The following CDH26 variants were observed in gnomAD, a reference collection of about 807,000 sequenced individuals.
The protein encoded by CDH26 is cadherin 26, also known as cadherin-like protein 26.
In CDH26, 83 loss-of-function variants were observed where a neutral mutation model predicts 90.3. The ratio of observed to expected loss-of-function variants is 0.92; its 90% CI spans 0.77 to 1.10. The LOEUF is 1.10. Ranked by LOEUF, CDH26 falls within the 50% of genes least tolerant of loss-of-function variation. The pLI, the probability that CDH26 is intolerant of heterozygous loss-of-function variation, is 0.00. For missense variants in CDH26, 1,013 were observed against 1,037.6 expected, an observed-to-expected ratio of 0.98 and a Z score of 0.33; for synonymous variants, 397 against 396.3, an observed-to-expected ratio of 1.00 and a Z score of -0.02.
intron 13 of CDH26, 24 bp downstream of exon 13, chr20:59,996,785 T>A (rs1442220404): frequency 2.5e-6 from 4 of 1,614,102 alleles, no homozygotes; most frequent in Non-Finnish European, 3.4e-6. Flanking sequence ...ATGCTTTGTG[T>A]CTTATGGCAA....
chr20:59,984,342 TG>T (rs1170325583), intron 5 of CDH26, among the ~76,000 whole-genome samples: 1 of 152,266 alleles, frequency 6.6e-6, no homozygotes, highest in Non-Finnish European at 1.5e-5. Context: ...TATATTTTCC[TG>T]CTTTATCATT....
intron 2 of CDH26, among the ~76,000 whole-genome samples, chr20:59,969,470 G>A (rs1414381232): frequency 6.6e-6 from 1 of 152,042 alleles, no homozygotes; most frequent in Non-Finnish European, 1.5e-5. Context: ...TTACATTTTT[G>A]TTGATAAAAT....
chr20:60,021,879 C>CCCAT (rs2061958176), intron 7 of CDH26, among the ~76,000 whole-genome samples: 1 of 98,642 alleles, frequency 1.0e-5, no homozygotes, highest in Admixed American at 1.1e-4. Context: ...CACACACACA[C>CCCAT]ACACACACAC....
At chr20:60,008,943 C>A (rs1030143313) in intron 17 of CDH26, among the ~76,000 whole-genome samples, 6 of 152,200 alleles carry the variant, frequency 3.9e-5, no homozygotes, top group African/African-American at 7.2e-5. Context: ...CCCACAGACT[C>A]AGGGCTGCAG....
In CDH26 at chr20:60,013,708, T is replaced by C. The variant is rs911902268; in HGVS notation, c.*978T>C. 6.6e-6 allele frequency: 1 copy of C among 152,200 alleles called. No individual in the cohort carries two copies. Among genetic ancestry groups the C allele is most frequent in the African/African-American group, 2.4e-5 (1 of 41,442 alleles). 9.4% of individuals were successfully genotyped at this position (152,200 alleles called of 1,614,324 possible). A position where few individuals can be genotyped will look rare whatever the true frequency, so the allele number is the denominator to read the frequency against. On this transcript the variant is annotated 3_prime_UTR_variant, in exon 18 of 18. Transcript: ENST00000348616. ...TCTCTCATGCCCTAAAATAAATCAGTAGAAACATGTTTGCTGGTGAATCAG... is the reference window on the plus strand; with the variant it reads ...TCTCTCATGCCCTAAAATAAATCAGCAGAAACATGTTTGCTGGTGAATCAG...
At position 59,958,660 on chromosome 20, in the gene CDH26, G is replaced by A. The variant is rs2061027937; in HGVS notation, c.-67G>A. ...GCTGAGAAGGAGGTGTGTGGCTCCG[G>A]TGAGACCACCAGCTTGGAGGACTGG... On this transcript the variant is annotated 5_prime_UTR_variant, in exon 1 of 18. The change creates a new upstream start codon in the 5' untranslated region. Transcript: ENST00000348616. The A allele has an allele frequency of 3.3e-6, 5 of 1,517,316 alleles. No individual in the cohort carries two copies. Among genetic ancestry groups the A allele is most frequent in the African/African-American group, 1.4e-5 (1 of 73,134 alleles). The allele number at this position is 1,517,316 out of a possible 1,614,324, so 94.0% of individuals were successfully genotyped here. A position where few individuals can be genotyped will look rare whatever the true frequency, so the allele number is the denominator to read the frequency against.
At chr20:60,031,163 G>A in intron 7 of CDH26, 1 of 1,043,968 alleles carries the variant, frequency 9.6e-7, no homozygotes, top group Non-Finnish European at 1.2e-6. Context: ...TGTAGCAGTG[G>A]GGATGAACTG....
chr20:59,987,480 GC>G lies in CDH26; in HGVS notation c.867del (p.Ser290AlafsTer48), dbSNP rs2061473518. On this transcript the variant is annotated frameshift_variant, in exon 8 of 18. Coordinates refer to ENST00000348616, the MANE Select transcript of CDH26 (RefSeq NM_177980.4). LOFTEE classifies it high-confidence loss of function. The part of the protein sequence containing the change: ...NYKVQIPEGR[A>X]SQGVLRLLVQ... ...TAAGGTTCAGATTCCTGAAGGCCGA[GC>G]CAGCCAGGGCGTGTTGCGTCTCCTG... 6.2e-7 allele frequency: 1 copy of G among 1,612,582 alleles called. No individual in the cohort carries two copies. Among genetic ancestry groups the G allele is most frequent in the African/African-American group, 1.3e-5 (1 of 74,834 alleles).
At chr20:59,969,889 T>C (rs1377652622) in intron 2 of CDH26, among the ~76,000 whole-genome samples, 193 bp from the exon 3 acceptor site, 1 of 152,100 alleles carries the variant, frequency 6.6e-6, no homozygotes, top group Non-Finnish European at 1.5e-5. Context: ...ATCCACCCCG[T>C]GGTTAGAGAT....
At chr20:59,974,596 T>C (rs1032241549) in intron 4 of CDH26, among the ~76,000 whole-genome samples, 2 of 152,204 alleles carry the variant, frequency 1.3e-5, no homozygotes, top group Admixed American at 6.5e-5. Flanking sequence ...AATTCTGTTA[T>C]GTCAGGTTTT....
At chr20:60,001,508 C>A in intron 15 of CDH26, 97 bp downstream of exon 15, 2 of 1,511,102 alleles carry the variant, frequency 1.3e-6, no homozygotes, top group South Asian at 1.3e-5. Context: ...TTCGGTGATA[C>A]TGTCAGAAAA....
chr20:60,033,515 A>T, exon 9 of CDH26: 1 of 1,304,296 alleles, frequency 7.7e-7, no homozygotes, highest in South Asian at 1.2e-5. Context: ...GAGAAAGCAA[A>T]GGAGCCACTT....
At chr20:59,995,384 A>G (rs1246875893) in intron 11 of CDH26, among the ~76,000 whole-genome samples, 1 of 152,186 alleles carries the variant, frequency 6.6e-6, no homozygotes, top group Non-Finnish European at 1.5e-5. Context: ...CCCCAGGAGG[A>G]CACTGGAGCC....
At chr20:60,033,043 A>G (rs1425998217) in intron 8 of CDH26, among the ~76,000 whole-genome samples, 2 of 152,170 alleles carry the variant, frequency 1.3e-5, no homozygotes, top group Non-Finnish European at 2.9e-5. Flanking sequence ...TGTCTCATAG[A>G]GGATCAAAAA....
intron 17 of CDH26, among the ~76,000 whole-genome samples, chr20:60,009,102 C>T (rs75606074): frequency 1.5e-3 from 231 of 152,292 alleles, no homozygotes; most frequent in African/African-American, 5.3e-3. Context: ...ACTGAAGAAG[C>T]AATGAAAGAA....
chr20:60,031,478 T>C, intron 8 of CDH26: 1 of 1,051,332 alleles, frequency 9.5e-7, no homozygotes, highest in Non-Finnish European at 1.2e-6. Context: ...TTAAAAAAGA[T>C]TCAGTTATGA....
chr20:59,970,810 A>T (rs996131982), intron 3 of CDH26, among the ~76,000 whole-genome samples: 11 of 79,034 alleles, frequency 1.4e-4, no homozygotes, highest in African/African-American at 7.2e-4. Flanking sequence ...TCTGTCTCAA[A>T]AATAAATAAA....
chr20:60,009,035 G>A (rs903527795), intron 17 of CDH26, among the ~76,000 whole-genome samples: 1 of 152,150 alleles, frequency 6.6e-6, no homozygotes, highest in Non-Finnish European at 1.5e-5. Context: ...CTCCCGAGCC[G>A]ACTGTAACCT....
Position 59,958,535 on chromosome 20 carries a change from C to T in CDH26, c.-192C>T, listed in dbSNP as rs1464045770. Reference sequence around the variant, plus strand: ...TTCAAGCTTACAAGTCAGCCCACCCCACTCTGATAAATGCAAGAAAAGCTG... The same window carrying T: ...TTCAAGCTTACAAGTCAGCCCACCCTACTCTGATAAATGCAAGAAAAGCTG... On this transcript the variant is annotated 5_prime_UTR_variant, in exon 1 of 18. Transcript: ENST00000348616. The T allele has an allele frequency of 1.6e-6, 1 of 643,660 alleles. No individual in the cohort carries two copies. Among genetic ancestry groups the T allele is most frequent in the African/African-American group, 1.8e-5 (1 of 55,090 alleles). The allele number at this position is 643,660 out of a possible 1,614,324, so 39.9% of individuals were successfully genotyped here. A position where few individuals can be genotyped will look rare whatever the true frequency, so the allele number is the denominator to read the frequency against.
Sources: allele counts gnomAD v4.1 joint callset (sites outside exome capture counted in the v4.1 genomes callset), GRCh38; gene constraint gnomAD v4.1.1; transcripts MANE v1.5; gene names NCBI Gene and HGNC (gene_info 2026-07-23, HGNC 2026-07-21).